Variants in ITSN2 observed in about 807,000 individuals in gnomAD.
The protein encoded by ITSN2 is intersectin 2, also known as intersectin-2.
In ITSN2, 156 loss-of-function variants were observed where a neutral mutation model predicts 243.7. That is an observed-to-expected ratio of 0.64 (90% confidence interval 0.56 to 0.73). The LOEUF (loss-of-function observed/expected upper bound fraction) is 0.73, where lower values mean the gene tolerates loss of function less well. Ranked by LOEUF, ITSN2 falls within the 30% of genes least tolerant of loss-of-function variation. The pLI is 0.00. For synonymous variants in ITSN2, 703 were observed against 699.9 expected (o/e 1.00, Z -0.07); for missense variants, 1,801 against 1,996.1 (o/e 0.90, Z 1.86).
intron 23 of ITSN2, 95 bp from the exon 24 acceptor site, chr2:24,254,526 T>C: frequency 1.2e-6 from 1 of 844,248 alleles, no homozygotes; most frequent in Non-Finnish European, 1.9e-6. Flanking sequence ...AGTAGTGCAT[T>C]TTTTAGGGCT....
intron 30 of ITSN2, chr2:24,220,408 G>A: frequency 3.0e-6 from 3 of 985,064 alleles, no homozygotes; most frequent in Non-Finnish European, 3.6e-6. Flanking sequence ...TCAGCGTAGA[G>A]GTCACTGGTA....
intron 20 of ITSN2, among the ~76,000 whole-genome samples, chr2:24,263,307 T>C (rs1676157257): frequency 6.6e-6 from 1 of 152,222 alleles, no homozygotes; most frequent in Non-Finnish European, 1.5e-5. Flanking sequence ...ATGGTAGTTG[T>C]GTCTCTGTTC....
chr2:24,242,495 CTATT>C (rs1398143417), intron 29 of ITSN2, among the ~76,000 whole-genome samples: 1 of 152,052 alleles, frequency 6.6e-6, no homozygotes, highest in Non-Finnish European at 1.5e-5. Flanking sequence ...GATCTCGTAT[CTATT>C]CCTGACTTTA....
chr2:24,302,254 A>G (rs1681868627), intron 9 of ITSN2, 152 bp from the exon 10 acceptor site: 1 of 349,048 alleles, frequency 2.9e-6, no homozygotes, highest in African/African-American at 2.2e-5. Context: ...CCTGGAGTGC[A>G]GTGGCGCGAT....
At chr2:24,338,718 G>A (rs758250716) in intron 1 of ITSN2, among the ~76,000 whole-genome samples, 5 of 152,090 alleles carry the variant, frequency 3.3e-5, no homozygotes, top group Non-Finnish European at 5.9e-5. Flanking sequence ...TTGGCCAGGT[G>A]CAGTGGCTCA....
At chr2:24,311,943 C>A (rs148365796) in intron 5 of ITSN2, among the ~76,000 whole-genome samples, 1 of 152,204 alleles carries the variant, frequency 6.6e-6, no homozygotes, top group African/African-American at 2.4e-5. Context: ...CCATATAATT[C>A]ATCACGCAAC....
chr2:24,280,345 A>C (rs1041366528), intron 17 of ITSN2, among the ~76,000 whole-genome samples: 1 of 152,128 alleles, frequency 6.6e-6, no homozygotes, highest in Admixed American at 6.5e-5. Flanking sequence ...CCTACTGATA[A>C]GACACAGCCT....
chr2:24,249,481 G>T lies in ITSN2; in HGVS notation c.3121-599C>A, dbSNP rs1212165804. On this transcript the variant is annotated intron_variant, in intron 25 of 39. Transcript: ENST00000355123. The surrounding 1 kb of genome is among the most constrained non-coding windows in gnomAD (Gnocchi z 4.4). ...CCACATTTCCTCTTTATAGGAATTT[G>T]AACAACAAAAGGGATGGGATTAAAA... 6.6e-6 allele frequency among the ~76,000 whole-genome samples: 1 copy of T among 152,142 alleles called. No individual in the cohort carries two copies. The highest frequency in any genetic ancestry group is 1.9e-4 in the East Asian group (1 of 5,200).
At chr2:24,304,565 A>C (rs971922203) in intron 8 of ITSN2, among the ~76,000 whole-genome samples, 36 of 152,196 alleles carry the variant, frequency 2.4e-4, no homozygotes, top group African/African-American at 8.4e-4. Context: ...CGCCCTATTA[A>C]TTACTCCTCA....
At chr2:24,330,356 T>C in intron 1 of ITSN2, 1 of 516,090 alleles carries the variant, frequency 1.9e-6, no homozygotes, top group Non-Finnish European at 3.7e-6. Flanking sequence ...TGCATGCCAC[T>C]GCATCCTGTG....
chr2:24,344,703 G>T (rs1244908674), intron 1 of ITSN2, among the ~76,000 whole-genome samples: 1 of 152,214 alleles, frequency 6.6e-6, no homozygotes, highest in African/African-American at 2.4e-5. Flanking sequence ...TGTAATCCCA[G>T]CACTTTGGGA....
At chr2:24,290,493 C>T (rs927448230) in intron 15 of ITSN2, among the ~76,000 whole-genome samples, 15 of 152,134 alleles carry the variant, frequency 9.9e-5, no homozygotes, top group Admixed American at 3.3e-4. Context: ...CATTTTTAAT[C>T]ATCAAATCTG....
At chr2:24,259,223 C>A (rs1034027250) in intron 22 of ITSN2, among the ~76,000 whole-genome samples, 1 of 152,218 alleles carries the variant, frequency 6.6e-6, no homozygotes, top group Non-Finnish European at 1.5e-5. Context: ...ACGCTAAAGA[C>A]TGAAGAATTA....
chr2:24,257,997 C>A lies in ITSN2; in HGVS notation c.2779G>T (p.Val927Phe), dbSNP rs754591201. 1 of 1,614,022 alleles carries A rather than the reference C, an allele frequency of 6.2e-7. No homozygotes were observed. The highest frequency in any genetic ancestry group is 1.1e-5 in the South Asian group (1 of 91,082). The part of the protein sequence containing the change: ...LNFSKHDIIT[V>F]LEQQENWWFG... ...CACCAATTTTCTTGCTGCTCCAAGA[C>A]AGTAATAATGTCATGTTTTGAGAAG... Residue 927 changes from valine (V) to phenylalanine (F), a missense_variant, in exon 23 of 40, where the codon GTC becomes TTC. By Grantham distance (50) the Val-to-Phe change is conservative (BLOSUM62 -1). Transcript: ENST00000355123.
rs971541723 is a variant in ITSN2, at chr2:24,312,583, A to G, written c.189-208T>C. On this transcript the variant is annotated intron_variant, in intron 4 of 39. Coordinates refer to ENST00000355123, the MANE Select transcript of ITSN2 (RefSeq NM_006277.3). ...ATACTGACCAGAGATAATAACTAAT[A>G]AAACACTGCCTGTCAAAACAGAATC... Among the ~76,000 whole-genome samples the G allele has an allele frequency of 1.8e-4, 27 of 152,224 alleles. 1 individual carries two copies. Among genetic ancestry groups the G allele is most frequent in the Admixed American group, 1.4e-3 (22 of 15,282 alleles).
intron 29 of ITSN2, chr2:24,239,100 C>G (rs756715754): frequency 1.5e-4 from 23 of 152,440 alleles, no homozygotes; most frequent in Non-Finnish European, 2.8e-4. Context: ...GCAAAAACAG[C>G]ACTTTGCAAC....
At chr2:24,280,417 A>G (rs1678624513) in intron 17 of ITSN2, among the ~76,000 whole-genome samples, 1 of 151,856 alleles carries the variant, frequency 6.6e-6, no homozygotes, top group Non-Finnish European at 1.5e-5. Flanking sequence ...CCTTAATCTG[A>G]CCCAATCCCC....
intron 15 of ITSN2, among the ~76,000 whole-genome samples, chr2:24,287,632 A>G (rs1232247221): frequency 6.6e-6 from 1 of 152,080 alleles, no homozygotes; most frequent in Non-Finnish European, 1.5e-5. Context: ...TTCCTTAACA[A>G]CTATACCAAT....
In ITSN2 at chr2:24,301,176, C is replaced by G. The variant is rs1223406571; in HGVS notation, c.1059G>C (p.Glu353Asp). Residue 353 changes from glutamate to aspartate, a missense_variant, in exon 11 of 40, where the codon GAG becomes GAC. Glu to Asp is a conservative substitution (Grantham distance 45). Around this residue, in one of 5 missense-constraint regions of ITSN2, gnomAD observed 787 missense variants for 803.9 expected, o/e 0.98. Transcript: ENST00000355123. ...TACCTGGTAATTTCTTCTGAGGCTC[C>G]TCTTCTTGCATTTTCTGATATGAAG... ...TLPSYQKMQEEEPQKKLPVTF... is the reference protein window; with the variant it reads ...TLPSYQKMQEDEPQKKLPVTF... The G allele has an allele frequency of 6.8e-6, 11 of 1,606,148 alleles. No individual in the cohort carries two copies. Among genetic ancestry groups the G allele is most frequent in the Non-Finnish European group, 9.4e-6 (11 of 1,174,686 alleles).
Sources: gnomAD v4.1 joint callset for allele counts (sites outside exome capture counted in the v4.1 genomes callset) on GRCh38, gnomAD v4.1.1 for gene constraint, gnomAD v4.1.1 regional missense constraint, Gnocchi (gnomAD v3.1) non-coding constraint, MANE v1.5 for transcripts, NCBI Gene and HGNC (gene_info 2026-07-23, HGNC 2026-07-21) for gene names.